CSMD1: variants seen among roughly 807,000 people sequenced by gnomAD.
The protein encoded by CSMD1 is CUB and sushi domain-containing protein 1.
CSMD1 carries 213 observed loss-of-function variants against 417.5 expected under a neutral mutation model. That is an observed-to-expected ratio of 0.51 (90% CI 0.46 to 0.57). The LOEUF is 0.57. Among genes scored for constraint, CSMD1 ranks in the 20% least tolerant of loss-of-function variants. The pLI is 0.00. For synonymous variants in CSMD1, 2,862 were observed against 1,736.8 expected (o/e 1.65, Z -16.11); for missense variants, 6,923 against 4,529.7 (o/e 1.53, Z -15.17).
chr8:3,935,226 T>A (rs1016106314), intron 5 of CSMD1, among the ~76,000 whole-genome samples: 36 of 152,156 alleles, frequency 2.4e-4, no homozygotes, highest in Non-Finnish European at 4.3e-4. Flanking sequence ...CAAATGGAAA[T>A]CGTTCTTAAA....
At chr8:3,527,364 A>G (rs1490209683) in intron 10 of CSMD1, among the ~76,000 whole-genome samples, 3 of 152,108 alleles carry the variant, frequency 2.0e-5, no homozygotes, top group Non-Finnish European at 4.4e-5. Context: ...AAGGTTACAT[A>G]GTGTATGATT....
intron 5 of CSMD1, among the ~76,000 whole-genome samples, chr8:3,977,892 T>A (rs1013312684): frequency 6.6e-6 from 1 of 152,198 alleles, no homozygotes; most frequent in Non-Finnish European, 1.5e-5. Flanking sequence ...AACTCAAGAA[T>A]GGTAACTGAC....
chr8:4,406,485 A>G (rs1388669495), intron 3 of CSMD1, among the ~76,000 whole-genome samples: 1 of 152,222 alleles, frequency 6.6e-6, no homozygotes, highest in African/African-American at 2.4e-5. Flanking sequence ...GGCATTAATT[A>G]GATGGGAACA....
At chr8:4,666,024 A>ATTTTTTTTG (rs1554438379) in intron 1 of CSMD1, among the ~76,000 whole-genome samples, 2 of 151,936 alleles carry the variant, frequency 1.3e-5, no homozygotes, top group Middle Eastern at 3.4e-3. Flanking sequence ...TGTTGTTGTC[A>ATTTTTTTTG]TTTTTTTTGT....
intron 7 of CSMD1, among the ~76,000 whole-genome samples, chr8:3,620,017 G>C (rs57023929): frequency 0.033 from 5,083 of 152,178 alleles, 253 homozygotes; most frequent in African/African-American, 0.12. Flanking sequence ...CAGGAGAATA[G>C]CTTGAACCTG....
chr8:3,872,229 G>A (rs752325964), intron 5 of CSMD1, among the ~76,000 whole-genome samples: 6 of 152,072 alleles, frequency 3.9e-5, no homozygotes, highest in Non-Finnish European at 7.4e-5. Flanking sequence ...GGTTGTTGTC[G>A]TTGTTGTTGT....
intron 2 of CSMD1, among the ~76,000 whole-genome samples, chr8:4,458,623 C>T (rs1195121839): frequency 2.6e-5 from 4 of 152,140 alleles, no homozygotes; most frequent in African/African-American, 9.7e-5. Context: ...CACACCTCAG[C>T]AGCAAAATCA....
At position 4,015,829 on chromosome 8, in the gene CSMD1, G is replaced by GT. The variant is rs1282928921; in HGVS notation, c.610+16075dup. ...AAACTTCATTCACTAAGCAAGCGGC[G>GT]TAACTTCCCAATAATGGTTCGTATG... is the stretch of plus-strand genomic sequence containing the variant. On this transcript the variant is annotated intron_variant, in intron 4 of 69. Transcript: ENST00000635120. Among the ~76,000 whole-genome samples the GT allele has an allele frequency of 6.6e-5, 10 of 152,224 alleles. No homozygotes were observed. The South Asian group carries it at 2.1e-3, about 32-fold the overall frequency.
chr8:3,727,862 A>G (rs899620405), intron 6 of CSMD1, among the ~76,000 whole-genome samples: 1 of 152,316 alleles, frequency 6.6e-6, no homozygotes, highest in East Asian at 1.9e-4. Context: ...TGCCTGTCAC[A>G]AAAGGACAAA....
intron 5 of CSMD1, among the ~76,000 whole-genome samples, chr8:3,869,116 C>T (rs569577884): frequency 9.9e-5 from 15 of 152,278 alleles, no homozygotes; most frequent in Middle Eastern, 3.4e-3. Flanking sequence ...TCCTTGTTCA[C>T]AAGCCAAGAG....
At chr8:3,991,553 T>A (rs1303370014) in intron 5 of CSMD1, among the ~76,000 whole-genome samples, 5 of 152,172 alleles carry the variant, frequency 3.3e-5, no homozygotes, top group African/African-American at 1.2e-4. Context: ...GTCTAGTGAA[T>A]AATGCTGGAA....
At position 3,544,149 on chromosome 8, in the gene CSMD1, T is replaced by A. The variant is rs189200051; in HGVS notation, c.1344+30796A>T. ...CGAGCCTGGGACGTGCTGGGCTGCA[T>A]CCCTAGAAAGTTATGTATTCCTAGC... On this transcript the variant is annotated intron_variant, in intron 10 of 69. Transcript: ENST00000635120. Among the ~76,000 whole-genome samples, 3 of 152,192 alleles carry A rather than the reference T, an allele frequency of 2.0e-5. No homozygotes were observed. The East Asian group carries it at 5.8e-4, about 29-fold the overall frequency.
At chr8:3,409,655 ATT>A in intron 12 of CSMD1, 50 bp from the exon 13 acceptor site, 7 of 1,409,428 alleles carry the variant, frequency 5.0e-6, no homozygotes, top group Non-Finnish European at 6.7e-6. Context: ...CACAAGGAAT[ATT>A]TTTATCTCTA....
intron 3 of CSMD1, among the ~76,000 whole-genome samples, chr8:4,148,537 G>A (rs79301175): frequency 0.027 from 4,060 of 151,636 alleles, 189 homozygotes; most frequent in African/African-American, 0.092. Context: ...AAAACGCATT[G>A]GCTACTTGGA....
At chr8:3,944,018 T>C (rs1431117800) in intron 5 of CSMD1, among the ~76,000 whole-genome samples, 2 of 152,120 alleles carry the variant, frequency 1.3e-5, no homozygotes, top group Non-Finnish European at 1.5e-5. Flanking sequence ...ACTTTAATAG[T>C]TATACTGTGG....
At chr8:4,447,783 G>C (rs971792434) in intron 2 of CSMD1, among the ~76,000 whole-genome samples, 1 of 152,092 alleles carries the variant, frequency 6.6e-6, no homozygotes, top group African/African-American at 2.4e-5. Context: ...TGTTATAAAA[G>C]GAGAAGAAAA....
intron 3 of CSMD1, among the ~76,000 whole-genome samples, chr8:4,051,970 G>A (rs988797861): frequency 1.3e-5 from 2 of 150,770 alleles, no homozygotes; most frequent in Non-Finnish European, 2.9e-5. Flanking sequence ...TTGTTGCCCA[G>A]GCTGGAGTGC....
intron 1 of CSMD1, among the ~76,000 whole-genome samples, chr8:4,948,388 C>G (rs1336815221): frequency 6.6e-6 from 1 of 151,822 alleles, no homozygotes; most frequent in Non-Finnish European, 1.5e-5. Context: ...ATATTCTGTA[C>G]TAGTTACTTG....
chr8:4,009,010 C>G (rs765581228), intron 4 of CSMD1, among the ~76,000 whole-genome samples: 9 of 151,986 alleles, frequency 5.9e-5, no homozygotes, highest in African/African-American at 9.7e-5. Context: ...GTGCCCATAC[C>G]GAATTTCCAT....
Sources: allele counts gnomAD v4.1 joint callset (sites outside exome capture counted in the v4.1 genomes callset), GRCh38; gene constraint gnomAD v4.1.1; transcripts MANE v1.5; gene names NCBI Gene and HGNC (gene_info 2026-07-23, HGNC 2026-07-21).